Variants in DGKH observed in about 807,000 individuals in gnomAD.
DGKH encodes the protein diacylglycerol kinase eta.
DGKH carries 90 observed loss-of-function variants against 159.3 expected under a neutral mutation model. The ratio of observed to expected loss-of-function variants is 0.57; its 90% confidence interval spans 0.48 to 0.67. DGKH has a LOEUF of 0.67. DGKH is among the 30% of genes least tolerant of loss of function. The pLI is 0.00. For missense variants in DGKH, 1,181 were observed against 1,506.1 expected (o/e 0.78, Z 3.57); for synonymous variants, 536 against 553.8 (o/e 0.97, Z 0.45).
In DGKH at chr13:42,198,567, C is replaced by T. The variant is rs1428078468; in HGVS notation, c.2257C>T (p.Pro753Ser). 3.1e-6 allele frequency: 5 copies of T among 1,613,138 alleles called. No individual in the cohort carries two copies. Among genetic ancestry groups the T allele is most frequent in the Non-Finnish European group, 4.2e-6 (5 of 1,179,704 alleles). ...AAACATTGATCCTTTTGGTGCCACG[C>T]CGTTTATTGACCCGGATCTAGATTC... ...LANIDPFGAT[P>S]FIDPDLDSVD... The change falls in exon 18 of 30, where the codon CCG (proline) becomes TCG (serine). Residue 753 changes from proline to serine, a missense_variant. This residue lies in a region of DGKH where 335 missense variants were observed against 495.2 expected (regional missense o/e 0.68). Transcript: ENST00000337343.
intron 1 of DGKH, 125 bp from the exon 2 acceptor site, chr13:42,127,335 TCTC>T (rs1376681893): frequency 1.4e-6 from 1 of 705,544 alleles, no homozygotes; most frequent in Non-Finnish European, 2.4e-6. Context: ...AGTAAAATAT[TCTC>T]CTGTAATTTG....
downstream of DGKH, among the ~76,000 whole-genome samples, chr13:42,245,097 C>G (rs1246751467): frequency 6.6e-6 from 1 of 151,962 alleles, no homozygotes; most frequent in East Asian, 1.9e-4. Context: ...TAAGAACTGC[C>G]TTCAGATATC....
intron 1 of DGKH, among the ~76,000 whole-genome samples, chr13:42,041,332 G>T (rs1880490553): frequency 6.6e-6 from 1 of 152,134 alleles, no homozygotes; most frequent in African/African-American, 2.4e-5. Context: ...CGTCACCTGG[G>T]CGCGCAGGTT....
chr13:42,066,517 G>A (rs546536894), intron 1 of DGKH: 51 of 152,174 alleles, frequency 3.4e-4, no homozygotes, highest in Middle Eastern at 3.4e-3. Flanking sequence ...TTATAGGGTC[G>A]ATCTTCCTTA....
In DGKH at chr13:42,221,312, A is replaced by G. The variant is rs750462553; in HGVS notation, c.3491A>G (p.Asn1164Ser). The G allele has an allele frequency of 8.7e-6, 14 of 1,613,724 alleles. No homozygotes were observed. The highest frequency in any genetic ancestry group is 1.1e-5 in the Non-Finnish European group (13 of 1,179,682). The change falls in exon 29 of 30, where the codon AAT becomes AGT. Residue 1164 changes from asparagine to serine, a missense_variant. Transcript: ENST00000337343. ...EEVAAWLDLL[N>S]LGEYKDIFIR... is the part of the protein sequence containing the mutation. ...GTTGCTGCTTGGCTGGATCTGCTCA[A>G]TTTGGGAGAGTACAAAGATATCTTC...
Position 42,174,079 on chromosome 13 carries a change from G to A in DGKH, c.1387G>A (p.Glu463Lys). 2 of 1,613,342 alleles carry A rather than the reference G, an allele frequency of 1.2e-6. No homozygotes were observed. Residue 463 changes from glutamate (E) to lysine (K), a missense_variant, in exon 12 of 30, where the codon GAA becomes AAA. Transcript: ENST00000337343. ...CTTCAGGTGGAGTATAATGACATAT[G>A]AACTCAAATTGCCACCAAAAGCTTC... ...MLDRWSIMTYELKLPPKASLL... is the reference protein window; with the variant it reads ...MLDRWSIMTYKLKLPPKASLL...
chr13:42,096,728 A>C (rs1249186147), intron 1 of DGKH, among the ~76,000 whole-genome samples: 1 of 152,232 alleles, frequency 6.6e-6, no homozygotes, highest in Non-Finnish European at 1.5e-5. Flanking sequence ...CTGGAAGCTA[A>C]TGTTCCTGTT....
Position 42,256,272 on chromosome 13 carries a change from C to T in DGKH, n.4128-12C>T, listed in dbSNP as rs139506576. 7.7e-3 allele frequency: 12,165 copies of T among 1,589,018 alleles called. 64 individuals carry two copies. Among genetic ancestry groups the T allele is most frequent in the Non-Finnish European group, 9.6e-3 (11,151 of 1,157,222 alleles). On this transcript the variant is annotated splice_polypyrimidine_tract_variant and intron_variant and non_coding_transcript_variant, in intron 30 of 30. Coordinates refer to the DGKH transcript ENST00000498255. ...GTGTTACACTCAGCCAGGCTGCTGG[C>T]GGATGCTTCAGTTTCCTTTACAGAA...
intron 20 of DGKH, 27 bp from the exon 21 acceptor site, chr13:42,206,012 C>G: frequency 8.8e-7 from 1 of 1,131,006 alleles, no homozygotes; most frequent in Non-Finnish European, 1.1e-6. Context: ...CTAATCTCTA[C>G]TTTTTTTTTT....
rs1958652891 is a variant in DGKH, at chr13:42,255,818, T to A, written n.4128-466T>A. 7 of 588,476 alleles carry A rather than the reference T, an allele frequency of 1.2e-5. No homozygotes were observed. In the South Asian group the frequency reaches 1.7e-4, roughly 14 times the overall value. 36.5% of individuals were successfully genotyped at this position (588,476 alleles called of 1,614,324 possible). A position where few individuals can be genotyped will look rare whatever the true frequency, so the allele number is the denominator to read the frequency against. On this transcript the variant is annotated intron_variant and non_coding_transcript_variant, in intron 30 of 30. Coordinates refer to the DGKH transcript ENST00000498255. Reference sequence around the variant, plus strand: ...TCATTGGGTTAGGGAAAGATTATTTTAAGTAATATATAAAAAGGGCAGCCC... The same window carrying A: ...TCATTGGGTTAGGGAAAGATTATTTAAAGTAATATATAAAAAGGGCAGCCC...
chr13:42,082,253 G>C (rs146375069), intron 1 of DGKH, among the ~76,000 whole-genome samples: 3 of 150,120 alleles, frequency 2.0e-5, no homozygotes, highest in Non-Finnish European at 3.0e-5. Flanking sequence ...CTCACCTAAT[G>C]GCTTTTGGGT....
chr13:42,114,897 A>G (rs887870928), intron 1 of DGKH, among the ~76,000 whole-genome samples: 1 of 152,324 alleles, frequency 6.6e-6, no homozygotes, highest in East Asian at 1.9e-4. Context: ...CTTTTTCCCC[A>G]AAGTGTGACC....
chr13:42,190,302 T>A lies in DGKH; in HGVS notation c.1913-101T>A. 4 of 1,386,098 alleles carry A rather than the reference T, an allele frequency of 2.9e-6. No homozygotes were observed. The South Asian group carries it at 5.6e-5, about 19-fold the overall frequency. The allele number at this position is 1,386,098 out of a possible 1,614,324, so 85.9% of individuals were successfully genotyped here. On this transcript the variant is annotated intron_variant, in intron 15 of 29. Transcript: ENST00000337343. ...AGTGTTTATTTGTGAATCTGGAATT[T>A]TGTTTGGCATATGTTTCAATTTGCC...
intron 20 of DGKH, among the ~76,000 whole-genome samples, chr13:42,200,184 A>G (rs543532650): frequency 6.6e-6 from 1 of 152,174 alleles, no homozygotes. Context: ...CATTTATAGG[A>G]GAGGGTTTTT....
chr13:42,050,186 C>A (rs770665822), intron 1 of DGKH, among the ~76,000 whole-genome samples: 53 of 152,260 alleles, frequency 3.5e-4, no homozygotes, highest in Non-Finnish European at 6.2e-4. Flanking sequence ...GCCTGGCCAA[C>A]ATGGTGAAAC....
intron 30 of DGKH, among the ~76,000 whole-genome samples, chr13:42,254,810 T>C (rs572323403): frequency 6.6e-6 from 1 of 152,310 alleles, no homozygotes; most frequent in South Asian, 2.1e-4. Flanking sequence ...TGGATGAATG[T>C]TCAATGAAAT....
chr13:42,188,996 C>G (rs1566173011), intron 14 of DGKH, 40 bp from the exon 15 acceptor site: 10 of 1,585,782 alleles, frequency 6.3e-6, no homozygotes, highest in Non-Finnish European at 8.6e-6. Flanking sequence ...GATCTTGATT[C>G]TTTTTGAGTA....
intron 29 of DGKH, among the ~76,000 whole-genome samples, chr13:42,248,936 C>A (rs929268107): frequency 2.6e-5 from 4 of 151,962 alleles, no homozygotes; most frequent in Admixed American, 2.0e-4. Flanking sequence ...AATGTGTCCC[C>A]GTTAGGTGAT....
intron 3 of DGKH, among the ~76,000 whole-genome samples, chr13:42,137,127 C>G (rs1036133802): frequency 6.6e-6 from 1 of 152,172 alleles, no homozygotes; most frequent in African/African-American, 2.4e-5. Flanking sequence ...CTTCATCTCT[C>G]TCTTAGAGGG....
Sources: allele counts gnomAD v4.1 joint callset (sites outside exome capture counted in the v4.1 genomes callset), GRCh38; gene constraint gnomAD v4.1.1; regional missense constraint gnomAD v4.1.1; transcripts MANE v1.5; gene names NCBI Gene and HGNC (gene_info 2026-07-23, HGNC 2026-07-21).